Variants in KNDC1 observed in about 807,000 individuals in gnomAD.
KNDC1 encodes the protein kinase non-catalytic C-lobe domain containing 1, also known as kinase non-catalytic C-lobe domain-containing protein 1.
A neutral mutation model predicts 172.8 loss-of-function variants in KNDC1; 106 were observed. The observed-to-expected ratio is 0.61, with a 90% CI of 0.52 to 0.72. The LOEUF is 0.72. Among genes scored for constraint, KNDC1 ranks in the 30% least tolerant of loss-of-function variants. The probability of loss-of-function intolerance (pLI) is 0.00; values close to 1 mark genes in which losing one functional copy is unlikely to be tolerated. For missense variants in KNDC1, 2,325 were observed against 2,394.5 expected (o/e 0.97, Z 0.61); for synonymous variants, 1,083 against 1,062.2 (o/e 1.02, Z -0.38).
At chr10:133,218,524 G>T (rs1003809296) in intron 26 of KNDC1, among the ~76,000 whole-genome samples, 8 of 127,568 alleles carry the variant, frequency 6.3e-5, no homozygotes, top group Admixed American at 4.9e-4. Flanking sequence ...TCCTGAAGCT[G>T]CCTGGGGAGG....
At chr10:133,188,709 AC>A in intron 7 of KNDC1, 56 bp downstream of exon 7, 10 of 527,656 alleles carry the variant, frequency 1.9e-5, no homozygotes, top group Non-Finnish European at 2.3e-5. Flanking sequence ...CTGCTGTTCC[AC>A]CCCCCACCGC....
In KNDC1 at chr10:133,167,527, C is replaced by T; in HGVS notation, c.249C>T (p.Asp83=). The T allele has an allele frequency of 1.2e-6, 2 of 1,604,410 alleles. No individual in the cohort carries two copies. Among genetic ancestry groups the T allele is most frequent in the African/African-American group, 1.3e-5 (1 of 74,900 alleles). The change falls in exon 2 of 30, where the codon GAC becomes GAT. Residue 83 remains aspartate, a synonymous_variant. Coordinates refer to ENST00000304613, the MANE Select transcript of KNDC1 (RefSeq NM_152643.8). ...AIFQSLCITP[D]TLAFNTSGNV... ...TCCAGAGCCTGTGCATCACGCCCGA[C>T]ACCCTGGCCTTCAACACCAGCGGGA...
intron 28 of KNDC1, 93 bp from the exon 29 acceptor site, chr10:133,219,862 C>T: frequency 7.7e-7 from 1 of 1,303,588 alleles, no homozygotes; most frequent in Non-Finnish European, 1.0e-6. Context: ...GCAGGACCCG[C>T]TGGGACTGGT....
chr10:133,167,672 T>A, intron 2 of KNDC1, 93 bp downstream of exon 2: 9 of 1,355,042 alleles, frequency 6.6e-6, no homozygotes, highest in Non-Finnish European at 9.1e-6. Flanking sequence ...CCGGAGCAGA[T>A]GCTGGGAGCA....
chr10:133,191,735 C>T (rs1854075127), intron 9 of KNDC1, among the ~76,000 whole-genome samples: 1 of 152,192 alleles, frequency 6.6e-6, no homozygotes, highest in African/African-American at 2.4e-5. Flanking sequence ...CAACAAAAGC[C>T]TGGGTCTGTA....
Position 133,214,054 on chromosome 10 carries a change from C to T in KNDC1, c.4609C>T (p.Leu1537Phe), listed in dbSNP as rs1425825632. 1.9e-6 allele frequency: 3 copies of T among 1,614,210 alleles called. No individual in the cohort carries two copies. Among genetic ancestry groups the T allele is most frequent in the Non-Finnish European group, 2.5e-6 (3 of 1,180,012 alleles). The change falls in exon 26 of 30, where the codon CTT becomes TTT. Residue 1537 changes from leucine to phenylalanine, a missense_variant. Coordinates refer to ENST00000304613, the MANE Select transcript of KNDC1 (RefSeq NM_152643.8). The part of the protein sequence containing the change: ...NYVQDKYLLQ[L>F]LRNADDVSTW... ...CGTTCAGGACAAGTATCTGTTACAG[C>T]TTCTAAGAAACGCAGATGACGTCAG... is the stretch of plus-strand genomic sequence containing the variant.
chr10:133,205,287 G>A (rs771872828), intron 17 of KNDC1, among the ~76,000 whole-genome samples: 6 of 152,170 alleles, frequency 3.9e-5, no homozygotes, highest in Non-Finnish European at 5.9e-5. Context: ...GTAGAGTCCC[G>A]TCCAGGGAGG....
At chr10:133,191,341 G>A (rs963375690) in intron 9 of KNDC1, among the ~76,000 whole-genome samples, 1 of 151,826 alleles carries the variant, frequency 6.6e-6, no homozygotes, top group Non-Finnish European at 1.5e-5. Context: ...AGGTTGCAGT[G>A]AGCCAAGATC....
At chr10:133,188,110 A>C (rs1419713152) in intron 6 of KNDC1, among the ~76,000 whole-genome samples, 3 of 151,944 alleles carry the variant, frequency 2.0e-5, no homozygotes. Flanking sequence ...CGCCATCCAC[A>C]CTGCCCCTGC....
intron 3 of KNDC1, among the ~76,000 whole-genome samples, chr10:133,170,422 G>T (rs1331103539): frequency 2.0e-5 from 3 of 152,138 alleles, no homozygotes; most frequent in Non-Finnish European, 4.4e-5. Context: ...CACAGGCGTG[G>T]CAGGGGCCTG....
At chr10:133,213,879 C>G in intron 25 of KNDC1, 93 bp from the exon 26 acceptor site, 1 of 1,548,576 alleles carries the variant, frequency 6.5e-7, no homozygotes, top group Non-Finnish European at 8.9e-7. Flanking sequence ...GCCTCGTGGC[C>G]CGACCCCAGC....
At position 133,206,763 on chromosome 10, in the gene KNDC1, GA is replaced by G; in HGVS notation, c.3470del (p.Lys1157ArgfsTer15). 1 of 1,614,112 alleles carries G rather than the reference GA, an allele frequency of 6.2e-7. No individual in the cohort carries two copies. The highest frequency in any genetic ancestry group is 8.5e-7 in the Non-Finnish European group (1 of 1,180,018). ...LKFYQKLLQK[E>X]KRNKGSDVKT... The stretch of plus-strand genomic sequence containing the variant: ...GTTCTACCAGAAACTCTTACAGAAG[GA>G]AAAGAGGAACAAAGGTAAGGCCCCT... On this transcript the variant is annotated frameshift_variant, in exon 18 of 30. Coordinates refer to ENST00000304613, the MANE Select transcript of KNDC1 (RefSeq NM_152643.8). LOFTEE classifies it high-confidence loss of function.
At chr10:133,167,976 G>A (rs1274683446) in intron 2 of KNDC1, among the ~76,000 whole-genome samples, 1 of 152,228 alleles carries the variant, frequency 6.6e-6, no homozygotes, top group Admixed American at 6.5e-5. Flanking sequence ...CTCCCACTGC[G>A]TGGCCCCTGC....
At position 133,188,716 on chromosome 10, in the gene KNDC1, ACCGCCGTCCCACACCC is replaced by A. The variant is rs1325785613; in HGVS notation, c.1441+76_1441+91del. On this transcript the variant is annotated intron_variant, in intron 7 of 29. Transcript: ENST00000304613. ...ACCCCCCACTGCTGTTCCACCCCCC[ACCGCCGTCCCACACCC>A]CCGCCGTCCCACCCCCCACACCGTC... is the stretch of plus-strand genomic sequence containing the variant. The A allele has an allele frequency of 1.7e-3, 673 of 390,094 alleles. 1 individual carries two copies. The African/African-American group carries it at 0.031, about 18-fold the overall frequency. 24.2% of individuals were successfully genotyped at this position (390,094 alleles called of 1,614,324 possible).
intron 1 of KNDC1, among the ~76,000 whole-genome samples, chr10:133,166,713 C>T (rs3008302): frequency 0.53 from 79,755 of 151,208 alleles, 21,373 homozygotes; most frequent in Admixed American, 0.63. Flanking sequence ...TGAGGGTGAG[C>T]ACGTGTGCTA....
At chr10:133,221,675 G>T (rs1461239100) in intron 29 of KNDC1, among the ~76,000 whole-genome samples, 1 of 152,228 alleles carries the variant, frequency 6.6e-6, no homozygotes, top group Non-Finnish European at 1.5e-5. Flanking sequence ...ATAGGTGAAG[G>T]TCCCCTTCTT....
intron 3 of KNDC1, among the ~76,000 whole-genome samples, chr10:133,180,152 C>G (rs560901086): frequency 5.3e-5 from 8 of 152,370 alleles, no homozygotes; most frequent in Admixed American, 2.0e-4. Flanking sequence ...GATTCCAGCA[C>G]AGTTTCTCAC....
chr10:133,189,181 G>T (rs530411313), intron 7 of KNDC1, among the ~76,000 whole-genome samples: 3 of 152,168 alleles, frequency 2.0e-5, no homozygotes, highest in Admixed American at 1.3e-4. Context: ...GGGTGATGAG[G>T]GCAGCATCTG....
chr10:133,180,506 CA>C (rs1433383034), intron 3 of KNDC1, among the ~76,000 whole-genome samples: 1 of 152,250 alleles, frequency 6.6e-6, no homozygotes, highest in Admixed American at 6.5e-5. Flanking sequence ...AGTGAGGCTT[CA>C]AACAGATTAG....
Sources: gnomAD v4.1 joint callset for allele counts (sites outside exome capture counted in the v4.1 genomes callset) on GRCh38, gnomAD v4.1.1 for gene constraint, MANE v1.5 for transcripts, NCBI Gene and HGNC (gene_info 2026-07-23, HGNC 2026-07-21) for gene names.